The following CELF2 variants were observed in gnomAD, a reference collection of about 807,000 sequenced individuals.
CELF2 encodes the protein CUGBP Elav-like family member 2.
Under a neutral mutation model 62.6 loss-of-function variants are expected in CELF2, and 8 were observed. The ratio of observed to expected loss-of-function variants is 0.13; its 90% CI spans 0.07 to 0.23. The LOEUF is 0.23. Ranked by LOEUF, CELF2 falls within the 10% of genes least tolerant of loss-of-function variation. The pLI, the probability that CELF2 is intolerant of heterozygous loss-of-function variation, is 1.00. For missense variants in CELF2, 333 were observed against 671.0 expected, an observed-to-expected ratio of 0.50 and a Z score of 5.56; for synonymous variants, 258 against 250.0, an observed-to-expected ratio of 1.03 and a Z score of -0.30.
intron 1 of CELF2, among the ~76,000 whole-genome samples, chr10:10,838,071 GT>G (rs2058427897): frequency 6.6e-6 from 1 of 152,082 alleles, no homozygotes; most frequent in African/African-American, 2.4e-5. Flanking sequence ...AGTACATTTA[GT>G]GTCACGTTTC....
intron 1 of CELF2, among the ~76,000 whole-genome samples, chr10:11,040,655 C>CT (rs1364491181): frequency 1.3e-5 from 2 of 152,096 alleles, no homozygotes; most frequent in Non-Finnish European, 2.9e-5. Flanking sequence ...CGTTACCATC[C>CT]TAGGTGCTGG....
At position 10,938,825 on chromosome 10, in the gene CELF2, C is replaced by T. The variant is rs1239345615; in HGVS notation, c.89+18826C>T. On this transcript the variant is annotated intron_variant, in intron 2 of 13. Transcript: ENST00000636488. The surrounding 1 kb of genome is among the most constrained non-coding windows in gnomAD (Gnocchi z 4.2). ...CGCTGGGGACCCCGTGAAGCACTGC[C>T]CCACCGAGGGACGCAGAAGCAGCTG... is the stretch of plus-strand genomic sequence containing the variant. Among the ~76,000 whole-genome samples, 4 of 152,300 alleles carry T rather than the reference C, an allele frequency of 2.6e-5. No individual in the cohort carries two copies. The highest frequency in any genetic ancestry group is 9.6e-5 in the African/African-American group (4 of 41,566).
intron 1 of CELF2, among the ~76,000 whole-genome samples, chr10:10,880,228 G>T (rs1453345021): frequency 1.3e-5 from 2 of 152,162 alleles, no homozygotes; most frequent in East Asian, 3.9e-4. Context: ...ACTGTGAGGG[G>T]CTGGGCCTAC....
chr10:10,968,940 T>C (rs563975592), intron 2 of CELF2, among the ~76,000 whole-genome samples: 2 of 152,338 alleles, frequency 1.3e-5, no homozygotes, highest in African/African-American at 4.8e-5. Flanking sequence ...GGCCTTTTTT[T>C]CTTGTTCAAA....
In CELF2 at chr10:11,244,954, C is replaced by T. The variant is rs2075171043; in HGVS notation, c.355-4199C>T. On this transcript the variant is annotated intron_variant, in intron 3 of 12. Coordinates refer to ENST00000633077, the MANE Select transcript of CELF2 (RefSeq NM_001326342.2). The surrounding 1 kb of genome is among the most constrained non-coding windows in gnomAD (Gnocchi z 4.2). ...TCGCACCGTACAGCTCTTACCACGT[C>T]TCTTATCACGCTGTGGGAAATGCTT... Among the ~76,000 whole-genome samples, 1 of 152,166 alleles carries T rather than the reference C, an allele frequency of 6.6e-6. No individual in the cohort carries two copies. The highest frequency in any genetic ancestry group is 6.5e-5 in the Admixed American group (1 of 15,284).
chr10:11,308,884 A>G (rs2094417743), intron 9 of CELF2, among the ~76,000 whole-genome samples: 1 of 152,238 alleles, frequency 6.6e-6, no homozygotes, highest in African/African-American at 2.4e-5. Flanking sequence ...CCTCTGTCCT[A>G]CTTACTTGCA....
intron 1 of CELF2, among the ~76,000 whole-genome samples, chr10:11,037,927 G>C (rs2061225728): frequency 6.6e-6 from 1 of 151,910 alleles, no homozygotes; most frequent in Non-Finnish European, 1.5e-5. Flanking sequence ...CAGTGGCAAA[G>C]TGAAAAGCTT....
intron 2 of CELF2, among the ~76,000 whole-genome samples, chr10:11,175,371 G>A (rs1037000028): frequency 3.9e-5 from 6 of 152,132 alleles, no homozygotes; most frequent in African/African-American, 1.4e-4. Flanking sequence ...TAAAAGGAGG[G>A]ATTGTGTTCT....
At chr10:11,022,962 CAT>C (rs2058576236) in intron 1 of CELF2, among the ~76,000 whole-genome samples, 1 of 152,150 alleles carries the variant, frequency 6.6e-6, no homozygotes, top group African/African-American at 2.4e-5. Context: ...ATATTTTCAA[CAT>C]GAGTCAAGGA....
At chr10:11,064,546 A>T (rs557336415) in intron 1 of CELF2, among the ~76,000 whole-genome samples, 1 of 152,348 alleles carries the variant, frequency 6.6e-6, no homozygotes, top group South Asian at 2.1e-4. Context: ...GGTATCAGTT[A>T]AACCATAGTG....
chr10:11,237,196 GAAATT>G lies in CELF2; in HGVS notation c.355-11955_355-11951del, dbSNP rs1448064713. On this transcript the variant is annotated intron_variant, in intron 3 of 12. Coordinates refer to ENST00000633077, the MANE Select transcript of CELF2 (RefSeq NM_001326342.2). This position sits in a 1 kb window ranked among gnomAD's most constrained non-coding sequence, Gnocchi z 4.0. ...ATAGAAAAGTCTATGAGAAGGAAAA[GAAATT>G]AGGAGAGAGAGAGAGAGCTAAACTG... is the stretch of plus-strand genomic sequence containing the variant. Among the ~76,000 whole-genome samples the G allele has an allele frequency of 6.6e-6, 1 of 152,162 alleles. No individual in the cohort carries two copies. The highest frequency in any genetic ancestry group is 6.5e-5 in the Admixed American group (1 of 15,280).
intron 2 of CELF2, chr10:10,923,077 GA>G (rs2065072371): frequency 6.6e-6 from 1 of 152,168 alleles, no homozygotes; most frequent in African/African-American, 2.4e-5. Context: ...CTGTCACGGG[GA>G]AAGTACAAAT....
the CELF2 span, among the ~76,000 whole-genome samples, chr10:10,643,694 T>C: frequency 1.3e-5 from 2 of 152,214 alleles, no homozygotes; most frequent in Admixed American, 1.3e-4. Flanking sequence ...TATTGACCTC[T>C]ATAGAGTTCC....
chr10:11,317,674 A>T (rs767760594), intron 10 of CELF2: 4 of 152,206 alleles, frequency 2.6e-5, no homozygotes, highest in African/African-American at 4.8e-5. Flanking sequence ...TAGTCCCCCA[A>T]CAAAAGACAT....
In CELF2 at chr10:11,329,238, A is replaced by C. The variant is rs1009192198; in HGVS notation, c.*185A>C. The C allele has an allele frequency of 1.4e-4, 63 of 446,224 alleles. No individual in the cohort carries two copies. The highest frequency in any genetic ancestry group is 2.3e-5 in the Non-Finnish European group (6 of 264,026). The allele number at this position is 446,224 out of a possible 1,614,324, so 27.6% of individuals were successfully genotyped here. A position where few individuals can be genotyped will look rare whatever the true frequency, so the allele number is the denominator to read the frequency against. ...TCCCCTACCCAGTTTGCCATAATTA[A>C]AACTTGGGCTACTTTGTTTCTATTG... On this transcript the variant is annotated 3_prime_UTR_variant, in exon 13 of 13. Coordinates refer to ENST00000633077, the MANE Select transcript of CELF2 (RefSeq NM_001326342.2). The surrounding 1 kb of genome is among the most constrained non-coding windows in gnomAD (Gnocchi z 5.5).
rs1266993705 is a variant in CELF2 at position 11,333,271 on chromosome 10, T to G, written c.*4218T>G. 1 of 152,564 alleles carries G rather than the reference T, an allele frequency of 6.6e-6. No homozygotes were observed. The highest frequency in any genetic ancestry group is 1.5e-5 in the Non-Finnish European group (1 of 68,054). The allele number at this position is 152,564 out of a possible 1,614,324, so 9.5% of individuals were successfully genotyped here. ...ACCTTCCACAGAGACAAACTGTCCT[T>G]CTATCCACTTTTATCTTTTAATAAA... On this transcript the variant is annotated 3_prime_UTR_variant, in exon 13 of 13. Coordinates refer to ENST00000633077, the MANE Select transcript of CELF2 (RefSeq NM_001326342.2).
At chr10:10,470,414 A>C in the CELF2 span, among the ~76,000 whole-genome samples, 1 of 151,826 alleles carries the variant, frequency 6.6e-6, no homozygotes, top group Non-Finnish European at 1.5e-5. Flanking sequence ...CTAGACAAAA[A>C]TCAAAGTGTC....
At chr10:11,230,506 A>G (rs2068244133) in intron 3 of CELF2, among the ~76,000 whole-genome samples, 1 of 152,228 alleles carries the variant, frequency 6.6e-6, no homozygotes, top group Non-Finnish European at 1.5e-5. Context: ...ACCAAAGTCA[A>G]GAGAGATCCT....
the CELF2 span, among the ~76,000 whole-genome samples, chr10:10,742,631 T>C: frequency 5.3e-5 from 8 of 151,602 alleles, no homozygotes; most frequent in African/African-American, 1.9e-4. Context: ...CAGGTGAAAT[T>C]AACTTGGAAT....
Sources: allele counts gnomAD v4.1 joint callset (sites outside exome capture counted in the v4.1 genomes callset), GRCh38; gene constraint gnomAD v4.1.1; non-coding constraint Gnocchi (gnomAD v3.1); transcripts MANE v1.5; gene names NCBI Gene and HGNC (gene_info 2026-07-23, HGNC 2026-07-21).